Variants in NR6A1 observed in about 807,000 individuals in gnomAD.
The protein encoded by NR6A1 is retinoic acid receptor-related testis-associated receptor.
NR6A1 carries 7 observed loss-of-function variants against 59.1 expected under a neutral mutation model. The observed-to-expected ratio is 0.12, with a 90% CI of 0.07 to 0.22. The LOEUF (loss-of-function observed/expected upper bound fraction) is 0.22, where lower values mean the gene tolerates loss of function less well. NR6A1 is among the 10% of genes least tolerant of loss of function. The probability of loss-of-function intolerance (pLI) is 1.00; values close to 1 mark genes in which losing one functional copy is unlikely to be tolerated. For synonymous variants in NR6A1, 243 were observed against 236.1 expected (o/e 1.03, Z -0.27); for missense variants, 468 against 611.6 (o/e 0.77, Z 2.48).
At position 124,692,166 on chromosome 9, in the gene NR6A1, CTTG is replaced by C. The variant is rs1838570441; in HGVS notation, c.142+41139_142+41141del. Among the ~76,000 whole-genome samples the C allele has an allele frequency of 2.6e-5, 4 of 152,268 alleles. 1 individual carries two copies. The South Asian group carries it at 6.2e-4, about 24-fold the overall frequency. ...CCCCAATATATGTTAATCTCTTACCCTTGTTAACAATTAAAATACTACTGCAAA... is the reference window on the plus strand; with the variant it reads ...CCCCAATATATGTTAATCTCTTACCCTTAACAATTAAAATACTACTGCAAA... On this transcript the variant is annotated intron_variant, in intron 2 of 9. Transcript: ENST00000487099.
In NR6A1 at chr9:124,745,529, G is replaced by A. The variant is rs886656213; in HGVS notation, c.101-12180C>T. Among the ~76,000 whole-genome samples the A allele has an allele frequency of 3.3e-5, 5 of 151,750 alleles. No individual in the cohort carries two copies. The East Asian group carries it at 9.7e-4, about 30-fold the overall frequency. ...TTTACTAAAAATACAAAATTAGCCG[G>A]GCATGGTGGCGCATGCCTGTAGTCC... On this transcript the variant is annotated intron_variant, in intron 1 of 9. Transcript: ENST00000487099.
chr9:124,575,546 C>A (rs1834564692), intron 2 of NR6A1, among the ~76,000 whole-genome samples: 1 of 152,132 alleles, frequency 6.6e-6, no homozygotes. Context: ...TGCCTTCCAG[C>A]CTGGGTGACA....
At chr9:124,599,069 T>C (rs1363082383) in intron 2 of NR6A1, 1 of 727,506 alleles carries the variant, frequency 1.4e-6, no homozygotes, top group Non-Finnish European at 2.6e-6. Flanking sequence ...CTTCAGGAGC[T>C]TGACGTCACC....
At chr9:124,533,963 T>C (rs1212614795) in intron 7 of NR6A1, among the ~76,000 whole-genome samples, 1 of 152,068 alleles carries the variant, frequency 6.6e-6, no homozygotes, top group Non-Finnish European at 1.5e-5. Flanking sequence ...GCACCTTTTC[T>C]TTTCTCCTTC....
rs117753853 is a variant in NR6A1, at chr9:124,616,293, C to T, written c.143-61723G>A. Among the ~76,000 whole-genome samples the T allele has an allele frequency of 6.6e-3, 1,006 of 151,402 alleles. 15 individuals carry two copies. The highest frequency in any genetic ancestry group is 0.03 in the East Asian group (152 of 5,078). On this transcript the variant is annotated intron_variant, in intron 2 of 9. Transcript: ENST00000487099. ...GGCGCATGCCTGTAATCCCAAGCTA[C>T]TCCACTGGCTGAAGCAGGAGAATCG... is the stretch of plus-strand genomic sequence containing the variant.
At chr9:124,756,758 T>C (rs1231232187) in intron 1 of NR6A1, among the ~76,000 whole-genome samples, 2 of 152,288 alleles carry the variant, frequency 1.3e-5, no homozygotes, top group Non-Finnish European at 2.9e-5. Context: ...TCAAGACACA[T>C]TAAAGACTGT....
chr9:124,671,325 A>G (rs1837788818), intron 2 of NR6A1, among the ~76,000 whole-genome samples: 1 of 152,178 alleles, frequency 6.6e-6, no homozygotes, highest in Non-Finnish European at 1.5e-5. Flanking sequence ...ATTTTGCTCT[A>G]TTCAACCTCT....
intron 2 of NR6A1, among the ~76,000 whole-genome samples, chr9:124,644,258 A>C (rs939879934): frequency 1.5e-5 from 2 of 136,626 alleles, no homozygotes; most frequent in Admixed American, 1.6e-4. Context: ...GATCCTCTTG[A>C]AGATTAAGTC....
chr9:124,609,200 T>C (rs749284963), intron 2 of NR6A1, among the ~76,000 whole-genome samples: 2 of 152,224 alleles, frequency 1.3e-5, no homozygotes, highest in African/African-American at 2.4e-5. Flanking sequence ...ATGTCCTGAA[T>C]GGTCCTGCCT....
intron 2 of NR6A1, among the ~76,000 whole-genome samples, chr9:124,592,442 G>C (rs924366281): frequency 1.3e-5 from 2 of 152,188 alleles, no homozygotes; most frequent in Non-Finnish European, 2.9e-5. Context: ...CAATATATCA[G>C]AGGGGCAGAA....
At chr9:124,678,009 C>T (rs1435398810) in intron 2 of NR6A1, among the ~76,000 whole-genome samples, 1 of 152,130 alleles carries the variant, frequency 6.6e-6, no homozygotes, top group African/African-American at 2.4e-5. Context: ...TGACTTAAAT[C>T]CTAAAGAAAA....
intron 2 of NR6A1, among the ~76,000 whole-genome samples, chr9:124,662,504 AG>A (rs1837472866): frequency 6.6e-6 from 1 of 152,202 alleles, no homozygotes; most frequent in South Asian, 2.1e-4. Context: ...GTATCTAGTA[AG>A]GTGCCAGGCA....
chr9:124,599,949 G>A (rs1835400443), intron 2 of NR6A1, among the ~76,000 whole-genome samples: 1 of 152,184 alleles, frequency 6.6e-6, no homozygotes. Flanking sequence ...AAAGATGACT[G>A]CAGATTTTGA....
At chr9:124,591,483 A>G (rs1835124313) in intron 2 of NR6A1, among the ~76,000 whole-genome samples, 2 of 152,372 alleles carry the variant, frequency 1.3e-5, no homozygotes, top group Middle Eastern at 3.4e-3. Context: ...TCTGGGCAAC[A>G]GGGGACGAGT....
intron 2 of NR6A1, among the ~76,000 whole-genome samples, chr9:124,629,218 C>A (rs1027010623): frequency 5.9e-5 from 9 of 152,092 alleles, no homozygotes; most frequent in African/African-American, 4.8e-5. Context: ...ACCTACAGAA[C>A]GATAAGTAAT....
chr9:124,643,395 G>A (rs1180453576), intron 2 of NR6A1, among the ~76,000 whole-genome samples: 2 of 151,868 alleles, frequency 1.3e-5, no homozygotes, highest in Non-Finnish European at 2.9e-5. Flanking sequence ...GAGCCCAGGA[G>A]TTCAAGACCA....
At chr9:124,580,394 G>C (rs919410553) in intron 2 of NR6A1, among the ~76,000 whole-genome samples, 1 of 152,048 alleles carries the variant, frequency 6.6e-6, no homozygotes, top group Non-Finnish European at 1.5e-5. Flanking sequence ...TCAGCTGAGG[G>C]TATGACCACA....
chr9:124,730,577 G>C (rs1319957890), intron 2 of NR6A1, among the ~76,000 whole-genome samples: 1 of 116,572 alleles, frequency 8.6e-6, no homozygotes, highest in Non-Finnish European at 1.8e-5. Flanking sequence ...TTTTTTTGGT[G>C]ACTCCTATTC....
chr9:124,643,960 G>A (rs1035288729), intron 2 of NR6A1, among the ~76,000 whole-genome samples: 4 of 152,074 alleles, frequency 2.6e-5, no homozygotes, highest in Admixed American at 1.3e-4. Flanking sequence ...GGGTGCAGTG[G>A]CGCGATACTG....
Sources: allele counts gnomAD v4.1 joint callset (sites outside exome capture counted in the v4.1 genomes callset), GRCh38; gene constraint gnomAD v4.1.1; transcripts MANE v1.5; gene names NCBI Gene and HGNC (gene_info 2026-07-23, HGNC 2026-07-21).